The following ZC3H12B variants were observed in gnomAD, a reference collection of about 807,000 sequenced individuals.
The protein encoded by ZC3H12B is probable ribonuclease ZC3H12B.
ZC3H12B carries 7 observed loss-of-function variants against 43.9 expected under a neutral mutation model. The observed-to-expected ratio is 0.16, with a 90% CI of 0.09 to 0.30. The LOEUF (loss-of-function observed/expected upper bound fraction) is 0.30, where lower values mean the gene tolerates loss of function less well. Ranked by LOEUF, ZC3H12B falls within the 10% of genes least tolerant of loss-of-function variation. The probability of loss-of-function intolerance (pLI) is 1.00; values close to 1 mark genes in which losing one functional copy is unlikely to be tolerated. For missense variants in ZC3H12B, 475 were observed against 670.2 expected, an observed-to-expected ratio of 0.71 and a Z score of 3.22; for synonymous variants, 222 against 241.7, an observed-to-expected ratio of 0.92 and a Z score of 0.76.
chrX:65,328,498 G>T, the ZC3H12B span: 1 of 227,064 alleles, frequency 4.4e-6, no homozygotes, highest in Non-Finnish European at 8.7e-6. Flanking sequence ...CTTCAACTCT[G>T]TTCATAAATG....
chrX:65,455,847 T>C (rs778253455), intron 3 of ZC3H12B, among the ~76,000 whole-genome samples: 30 of 112,050 alleles, frequency 2.7e-4, no homozygotes, highest in Non-Finnish European at 5.6e-5. Context: ...GAAAGAATTT[T>C]CAACCCAGAA....
At chrX:65,463,145 T>G (rs762966042) in intron 3 of ZC3H12B, among the ~76,000 whole-genome samples, 2 of 111,402 alleles carry the variant, frequency 1.8e-5, no homozygotes, top group Non-Finnish European at 3.8e-5. Flanking sequence ...TGGGGAAGGG[T>G]TGAAAAACTA....
the ZC3H12B span, among the ~76,000 whole-genome samples, chrX:65,123,695 C>T: frequency 9.9e-6 from 1 of 100,967 alleles, no homozygotes; most frequent in African/African-American, 3.6e-5. Flanking sequence ...CTTTCATGTT[C>T]TTGGGTAGGT....
chrX:65,089,035 A>AT, the ZC3H12B span, among the ~76,000 whole-genome samples: 1 of 112,019 alleles, frequency 8.9e-6, no homozygotes, highest in East Asian at 2.8e-4. Context: ...AATATTAGTT[A>AT]TTTTTTATGG....
the ZC3H12B span, among the ~76,000 whole-genome samples, chrX:65,308,941 G>A: frequency 8.9e-6 from 1 of 111,893 alleles, no homozygotes; most frequent in African/African-American, 3.2e-5. Flanking sequence ...TGAAACCAAT[G>A]AGAACAAACA....
the ZC3H12B span, among the ~76,000 whole-genome samples, chrX:65,153,466 AAC>A: frequency 9.5e-4 from 107 of 112,678 alleles, 1 homozygote; most frequent in African/African-American, 3.3e-3. Context: ...GCAGCCAAAA[AAC>A]ACATGAAAAA....
At chrX:65,224,606 GTTCCCTTTCC>G in the ZC3H12B span, among the ~76,000 whole-genome samples, 1 of 112,433 alleles carries the variant, frequency 8.9e-6, no homozygotes, top group Admixed American at 9.3e-5. Context: ...GGGTCGGGGA[GTTCCCTTTCC>G]TAGTCAAAGA....
the ZC3H12B span, among the ~76,000 whole-genome samples, chrX:65,204,697 G>T: frequency 8.9e-6 from 1 of 111,780 alleles, no homozygotes; most frequent in Non-Finnish European, 1.9e-5. Context: ...TATTTTCCTG[G>T]TTATAAAGGT....
the ZC3H12B span, among the ~76,000 whole-genome samples, chrX:65,036,397 C>A: frequency 9.0e-6 from 1 of 111,322 alleles, no homozygotes; most frequent in East Asian, 2.8e-4. Flanking sequence ...GAGAGAGAAG[C>A]GTAATAATGG....
chrX:65,165,893 C>T, the ZC3H12B span, among the ~76,000 whole-genome samples: 1 of 112,132 alleles, frequency 8.9e-6, no homozygotes, highest in Non-Finnish European at 1.9e-5. Flanking sequence ...AAAGGTTGAT[C>T]TAATTTACAC....
At chrX:65,124,855 C>A in the ZC3H12B span, among the ~76,000 whole-genome samples, 12 of 110,589 alleles carry the variant, frequency 1.1e-4, no homozygotes, top group African/African-American at 3.6e-4. Flanking sequence ...ATCTTATTGA[C>A]CTTATTTGGA....
chrX:65,398,699 A>T (rs2066729761), exon 3 of ZC3H12B: 1 of 112,309 alleles, frequency 8.9e-6, no homozygotes, highest in South Asian at 3.7e-4. Flanking sequence ...TTAAGCCTGC[A>T]GAACTGTGAG....
chrX:65,112,532 T>C, the ZC3H12B span, among the ~76,000 whole-genome samples: 71 of 112,128 alleles, frequency 6.3e-4, 1 homozygote, highest in Middle Eastern at 0.018. Context: ...TAGGGGCTAA[T>C]GCAGATGGTG....
At chrX:65,462,231 C>T (rs1486670730) in intron 3 of ZC3H12B, among the ~76,000 whole-genome samples, 1 of 111,060 alleles carries the variant, frequency 9.0e-6, no homozygotes, top group African/African-American at 3.3e-5. Context: ...AACTTCAAGG[C>T]CGGGCACGGT....
the ZC3H12B span, among the ~76,000 whole-genome samples, chrX:65,162,665 C>G: frequency 9.0e-6 from 1 of 111,482 alleles, no homozygotes; most frequent in Non-Finnish European, 1.9e-5. Flanking sequence ...GTTATACATT[C>G]GTCTAAATTT....
upstream of ZC3H12B, among the ~76,000 whole-genome samples, chrX:65,365,312 G>T (rs1371860052): frequency 9.0e-6 from 1 of 110,936 alleles, no homozygotes; most frequent in Non-Finnish European, 1.9e-5. Flanking sequence ...GGATGTCCTG[G>T]GTCCTCCTAA....
At chrX:65,450,047 C>T (rs1175357802) in intron 3 of ZC3H12B, among the ~76,000 whole-genome samples, 1 of 109,330 alleles carries the variant, frequency 9.1e-6, no homozygotes, top group African/African-American at 3.3e-5. Context: ...TAACTCACGC[C>T]TGTAATCCCA....
chrX:65,122,562 G>C, the ZC3H12B span, among the ~76,000 whole-genome samples: 1 of 111,313 alleles, frequency 9.0e-6, no homozygotes, highest in Non-Finnish European at 1.9e-5. Flanking sequence ...TATGGACTAA[G>C]TTCTCCAATT....
chrX:65,468,544 C>T (rs1390457976), intron 3 of ZC3H12B, among the ~76,000 whole-genome samples: 1 of 102,641 alleles, frequency 9.7e-6, no homozygotes, highest in Admixed American at 1.1e-4. Flanking sequence ...AGTGCAGTGG[C>T]ACCATCTCGG....
Sources: gnomAD v4.1 joint callset for allele counts (sites outside exome capture counted in the v4.1 genomes callset) on GRCh38, gnomAD v4.1.1 for gene constraint, MANE v1.5 for transcripts, NCBI Gene and HGNC (gene_info 2026-07-23, HGNC 2026-07-21) for gene names.